ROBO2: variants seen among roughly 807,000 people sequenced by gnomAD.
The protein encoded by ROBO2 is roundabout homolog 2.
ROBO2 carries 53 observed loss-of-function variants against 160.8 expected under a neutral mutation model. The observed-to-expected ratio is 0.33, with a 90% CI of 0.26 to 0.41. The LOEUF (loss-of-function observed/expected upper bound fraction) is 0.41. Among genes scored for constraint, ROBO2 ranks in the 10% least tolerant of loss-of-function variants. ROBO2 has a pLI of 1.00. For synonymous variants in ROBO2, 664 were observed against 611.7 expected (o/e 1.09, Z -1.26); for missense variants, 1,577 against 1,722.4 (o/e 0.92, Z 1.49).
chr3:76,857,932 C>T (rs1389290308), intron 2 of ROBO2, among the ~76,000 whole-genome samples: 1 of 152,180 alleles, frequency 6.6e-6, no homozygotes, highest in African/African-American at 2.4e-5. Context: ...GCCGTGCATT[C>T]TCAAGTTCCC....
intron 2 of ROBO2, among the ~76,000 whole-genome samples, chr3:76,241,356 A>C (rs1010519739): frequency 5.9e-5 from 9 of 152,220 alleles, no homozygotes; most frequent in Non-Finnish European, 1.2e-4. Context: ...ATCCATCAAT[A>C]AACATATTCG....
chr3:77,632,782 C>A, intron 23 of ROBO2: 1 of 797,320 alleles, frequency 1.3e-6, no homozygotes, highest in Non-Finnish European at 1.8e-6. Flanking sequence ...CGCATGAATA[C>A]AGTTTGGATG....
chr3:75,987,443 G>T (rs1334023222), intron 2 of ROBO2, among the ~76,000 whole-genome samples: 1 of 151,914 alleles, frequency 6.6e-6, no homozygotes, highest in African/African-American at 2.4e-5. Flanking sequence ...ATGTGTGTGT[G>T]CGTGTGTGTG....
At chr3:76,551,091 TG>T (rs2083389511) in intron 2 of ROBO2, among the ~76,000 whole-genome samples, 1 of 151,952 alleles carries the variant, frequency 6.6e-6, no homozygotes, top group Non-Finnish European at 1.5e-5. Flanking sequence ...TGAGAACTTA[TG>T]GTGCTTTTTC....
chr3:76,002,593 T>C (rs181405252), intron 2 of ROBO2, among the ~76,000 whole-genome samples: 2 of 152,312 alleles, frequency 1.3e-5, no homozygotes, highest in Admixed American at 1.3e-4. Flanking sequence ...CCATGTGGAA[T>C]GAGCCTTTAA....
rs1429237229 is a variant in ROBO2 at position 77,437,543 on chromosome 3, CTAAT to C, written c.389-39869_389-39866del. 2.6e-5 allele frequency among the ~76,000 whole-genome samples: 4 copies of C among 151,864 alleles called. No homozygotes were observed. The East Asian group carries it at 7.7e-4, about 29-fold the overall frequency. On this transcript the variant is annotated intron_variant, in intron 2 of 25. Coordinates refer to ENST00000461745, the Ensembl canonical transcript of ROBO2. ...CAAACTTTACTGCCTATTAAAGCAT[CTAAT>C]TTTAGTTTATTTTTCTTATAGTTAT... is the stretch of plus-strand genomic sequence containing the variant.
chr3:76,421,322 A>G (rs6796472), intron 2 of ROBO2, among the ~76,000 whole-genome samples: 44,175 of 152,114 alleles, frequency 0.29, 10,709 homozygotes, highest in African/African-American at 0.66. Flanking sequence ...GCTGAAAACA[A>G]TAGCCGAAAA....
At chr3:76,628,465 G>C (rs558891968) in intron 2 of ROBO2, among the ~76,000 whole-genome samples, 4 of 139,330 alleles carry the variant, frequency 2.9e-5, no homozygotes, top group Admixed American at 2.2e-4. Context: ...ATGGGGTCTT[G>C]CTATGTTGTC....
chr3:77,101,091 A>G, intron 2 of ROBO2, among the ~76,000 whole-genome samples: 1 of 152,338 alleles, frequency 6.6e-6, no homozygotes, highest in East Asian at 1.9e-4. Context: ...TCTTTGAAAG[A>G]GAATTGAAGA....
chr3:77,614,973 G>T (rs1410197617), intron 21 of ROBO2, among the ~76,000 whole-genome samples: 1 of 151,986 alleles, frequency 6.6e-6, no homozygotes, highest in African/African-American at 2.4e-5. Flanking sequence ...GCTTCCACAC[G>T]TGTTGTTTAA....
chr3:76,177,719 G>C (rs2073280994), intron 2 of ROBO2, among the ~76,000 whole-genome samples: 2 of 152,116 alleles, frequency 1.3e-5, no homozygotes, highest in African/African-American at 4.8e-5. Flanking sequence ...GTCCCTGCCA[G>C]CTGCAAGAGA....
At chr3:76,483,319 T>TTG (rs2107367722) in intron 2 of ROBO2, among the ~76,000 whole-genome samples, 1 of 152,008 alleles carries the variant, frequency 6.6e-6, no homozygotes, top group Non-Finnish European at 1.5e-5. Context: ...TATTTTTTTT[T>TTG]TCAATTTCAA....
chr3:77,028,024 C>T lies in ROBO2; in HGVS notation c.110-69990C>T, dbSNP rs561604393. On this transcript the variant is annotated intron_variant, in intron 2 of 26. Coordinates refer to the ROBO2 transcript ENST00000487694. ...AACCAAGCCTGTGGAATATTCCTCT[C>T]TACTTCCTCACTCTCCTGCTTTTCT... is the stretch of plus-strand genomic sequence containing the variant. Among the ~76,000 whole-genome samples the T allele has an allele frequency of 3.9e-5, 6 of 152,212 alleles. No homozygotes were observed. In the East Asian group the frequency reaches 9.8e-4, roughly 25 times the overall value.
At chr3:76,322,164 GTATATATATATATATATATATA>G (rs200388202) in intron 2 of ROBO2, among the ~76,000 whole-genome samples, 48,565 of 108,274 alleles carry the variant, frequency 0.45, 11,245 homozygotes, top group Non-Finnish European at 0.54. Context: ...TACTTCTTCC[GTATATATATATATATATATATA>G]TATATATATA....
At chr3:76,792,965 C>G (rs1278525999) in intron 2 of ROBO2, among the ~76,000 whole-genome samples, 1 of 151,622 alleles carries the variant, frequency 6.6e-6, no homozygotes, top group Non-Finnish European at 1.5e-5. Flanking sequence ...TTAAATTATG[C>G]TATATTGAAT....
intron 2 of ROBO2, among the ~76,000 whole-genome samples, chr3:76,284,163 T>G (rs555975330): frequency 3.3e-5 from 5 of 152,082 alleles, no homozygotes; most frequent in African/African-American, 1.2e-4. Flanking sequence ...ATTTAGATAC[T>G]TTCAATTATA....
intron 2 of ROBO2, among the ~76,000 whole-genome samples, chr3:76,033,759 T>C (rs2067007709): frequency 6.6e-6 from 1 of 152,132 alleles, no homozygotes; most frequent in Admixed American, 6.6e-5. Flanking sequence ...GTGGAACCCA[T>C]TGGCCTCATT....
intron 2 of ROBO2, among the ~76,000 whole-genome samples, chr3:76,181,550 A>G (rs1049840475): frequency 1.3e-5 from 2 of 152,144 alleles, no homozygotes; most frequent in Non-Finnish European, 2.9e-5. Context: ...CTGAAGATAT[A>G]ATATTTTGTA....
At chr3:77,110,572 A>T (rs567938459) in intron 2 of ROBO2, among the ~76,000 whole-genome samples, 1 of 151,282 alleles carries the variant, frequency 6.6e-6, no homozygotes, top group African/African-American at 2.4e-5. Flanking sequence ...CTTGACTTAA[A>T]CCTTACAAAT....
Sources: allele counts gnomAD v4.1 joint callset (sites outside exome capture counted in the v4.1 genomes callset), GRCh38; gene constraint gnomAD v4.1.1; transcripts MANE v1.5; gene names NCBI Gene and HGNC (gene_info 2026-07-23, HGNC 2026-07-21).